CACNA1A: variants seen among roughly 807,000 people sequenced by gnomAD.
CACNA1A encodes voltage-dependent P/Q-type calcium channel subunit alpha-1A.
CACNA1A carries 57 observed loss-of-function variants against 262.4 expected under a neutral mutation model. The observed-to-expected ratio is 0.22, with a 90% confidence interval of 0.18 to 0.27. The LOEUF is 0.27. CACNA1A is among the 10% of genes least tolerant of loss of function. The pLI is 1.00. For missense variants in CACNA1A, 2,526 were observed against 3,562.8 expected, an observed-to-expected ratio of 0.71 and a Z score of 7.41; for synonymous variants, 1,431 against 1,419.3, an observed-to-expected ratio of 1.01 and a Z score of -0.18.
At chr19:13,369,111 G>A (rs1179547701) in intron 4 of CACNA1A, among the ~76,000 whole-genome samples, 1 of 151,778 alleles carries the variant, frequency 6.6e-6, no homozygotes, top group Non-Finnish European at 1.5e-5. Flanking sequence ...TTAAGGTGCT[G>A]GATACTCTTG....
chr19:13,464,124 G>C (rs2061175763), intron 1 of CACNA1A, among the ~76,000 whole-genome samples: 1 of 152,196 alleles, frequency 6.6e-6, no homozygotes, highest in Non-Finnish European at 1.5e-5. Context: ...TGCAGAGGTA[G>C]ATGCCTATCA....
In CACNA1A at chr19:13,210,554, G is replaced by T. The variant is rs1007013775; in HGVS notation, c.6339+63C>A. On this transcript the variant is annotated intron_variant, in intron 44 of 46. Transcript: ENST00000360228. ...GTGAGAGATGACGGGACTCCCTGGA[G>T]GGGGGGTGGGGAGGAAGAGGGGGCC... 8.4e-6 allele frequency: 12 copies of T among 1,421,054 alleles called. No homozygotes were observed. In the Admixed American group the frequency reaches 2.3e-4, roughly 27 times the overall value. The allele number at this position is 1,421,054 out of a possible 1,614,324, so 88.0% of individuals were successfully genotyped here.
chr19:13,259,714 G>C lies in CACNA1A; in HGVS notation c.4251-13C>G. On this transcript the variant is annotated splice_polypyrimidine_tract_variant and intron_variant, in intron 26 of 46. Transcript: ENST00000360228. ...GAGGTATTTGCCTCTGCCACAGAGA[G>C]TGGGGACTGTTAGTAAATGGGAAAG... 1 of 1,610,502 alleles carries C rather than the reference G, an allele frequency of 6.2e-7. No homozygotes were observed. Among genetic ancestry groups the C allele is most frequent in the East Asian group, 2.2e-5 (1 of 44,846 alleles).
chr19:13,429,991 G>C (rs1405125330), intron 3 of CACNA1A, among the ~76,000 whole-genome samples: 7 of 123,134 alleles, frequency 5.7e-5, no homozygotes, highest in African/African-American at 2.1e-4. Context: ...AGGGTGGGGG[G>C]AGTGGGGAGG....
At chr19:13,227,903 C>CTTTTTT (rs34218031) in intron 36 of CACNA1A, among the ~76,000 whole-genome samples, 7 of 74,260 alleles carry the variant, frequency 9.4e-5, no homozygotes, top group African/African-American at 2.9e-4. Flanking sequence ...TGTTCATTGC[C>CTTTTTT]TTTTTTTTTT....
intron 22 of CACNA1A, among the ~76,000 whole-genome samples, chr19:13,279,879 G>C (rs79180460): frequency 0.18 from 26,602 of 151,972 alleles, 2,713 homozygotes; most frequent in Non-Finnish European, 0.23. Context: ...CGCCATCTTG[G>C]CTCACTGCAA....
intron 12 of CACNA1A, among the ~76,000 whole-genome samples, chr19:13,311,559 T>C (rs1022748271): frequency 3.9e-5 from 6 of 152,128 alleles, no homozygotes; most frequent in Admixed American, 1.3e-4. Flanking sequence ...TTAAGCTGGC[T>C]GGGTGTGGTG....
Position 13,207,401 on chromosome 19 carries a change from G to A in CACNA1A, c.7433C>T (p.Pro2478Leu), listed in dbSNP as rs764648125. 175 of 1,537,168 alleles carry A rather than the reference G, an allele frequency of 1.1e-4. No homozygotes were observed. The highest frequency in any genetic ancestry group is 1.5e-4 in the Non-Finnish European group (168 of 1,147,440). The change falls in exon 47 of 47, where the codon CCG becomes CTG. Residue 2478 changes from proline to leucine, a missense_variant. Transcript: ENST00000360228. This position sits in a 1 kb window ranked among gnomAD's most constrained non-coding sequence, Gnocchi z 5.7. Reference sequence around the variant, plus strand: ...GCGGGGCCTGGCCAGTCCGTGCGCCGGGTAGTAGCCGTTGGGGAGTCGCCG... The same window carrying A: ...GCGGGGCCTGGCCAGTCCGTGCGCCAGGTAGTAGCCGTTGGGGAGTCGCCG... ...HGRRLPNGYY[P>L]AHGLARPRGP...
intron 6 of CACNA1A, among the ~76,000 whole-genome samples, chr19:13,339,774 TAAA>T (rs200259831): frequency 7.2e-6 from 1 of 138,994 alleles, no homozygotes; most frequent in Admixed American, 7.2e-5. Context: ...TGCCATGGAT[TAAA>T]AAAAAAAAAA....
At chr19:13,348,745 G>A (rs560494620) in intron 6 of CACNA1A, among the ~76,000 whole-genome samples, 69 of 152,162 alleles carry the variant, frequency 4.5e-4, no homozygotes, top group Middle Eastern at 3.4e-3. Flanking sequence ...CTGAGGCAGG[G>A]GAATCACTTG....
chr19:13,439,270 A>G (rs1568645894), intron 3 of CACNA1A, among the ~76,000 whole-genome samples: 2 of 142,018 alleles, frequency 1.4e-5, no homozygotes, highest in Non-Finnish European at 3.1e-5. Context: ...CACCACGCTC[A>G]GCTAATTTGT....
At chr19:13,499,501 C>A (rs1411402947) in intron 1 of CACNA1A, among the ~76,000 whole-genome samples, 1 of 150,536 alleles carries the variant, frequency 6.6e-6, no homozygotes. Context: ...CTTTTCTGGC[C>A]GGTTTCCAAA....
chr19:13,392,562 G>A (rs1364614664), intron 3 of CACNA1A, among the ~76,000 whole-genome samples: 11 of 152,244 alleles, frequency 7.2e-5, no homozygotes, highest in African/African-American at 2.7e-4. Flanking sequence ...ACCTGCTACA[G>A]GAGAGGCACT....
chr19:13,366,694 T>C (rs73501133), intron 4 of CACNA1A, among the ~76,000 whole-genome samples: 4,618 of 152,260 alleles, frequency 0.03, 230 homozygotes, highest in African/African-American at 0.1. Flanking sequence ...TGGAGCCATA[T>C]TCCTGGGTGT....
At chr19:13,436,297 A>G (rs1230140619) in intron 3 of CACNA1A, among the ~76,000 whole-genome samples, 1 of 151,996 alleles carries the variant, frequency 6.6e-6, no homozygotes, top group Non-Finnish European at 1.5e-5. Flanking sequence ...GGGCTTTTTG[A>G]ATTCCCTGTT....
intron 1 of CACNA1A, among the ~76,000 whole-genome samples, chr19:13,478,197 A>G (rs1480560962): frequency 2.0e-5 from 3 of 152,150 alleles, no homozygotes; most frequent in African/African-American, 7.2e-5. Flanking sequence ...TAAACATGTC[A>G]TTGTGATAAA....
intron 4 of CACNA1A, among the ~76,000 whole-genome samples, chr19:13,368,141 C>A (rs2059250560): frequency 6.6e-6 from 1 of 151,810 alleles, no homozygotes; most frequent in African/African-American, 2.4e-5. Flanking sequence ...GTGGTGAAAC[C>A]CTGTCTCTAC....
intron 1 of CACNA1A, among the ~76,000 whole-genome samples, chr19:13,470,020 T>C (rs1484252268): frequency 1.3e-5 from 2 of 152,220 alleles, no homozygotes; most frequent in South Asian, 2.1e-4. Context: ...ATCAACTATC[T>C]GGGCTGGTGA....
At chr19:13,330,358 A>G in intron 9 of CACNA1A, 25 bp from the exon 10 acceptor site, 2 of 1,527,998 alleles carry the variant, frequency 1.3e-6, no homozygotes, top group Non-Finnish European at 1.8e-6. Flanking sequence ...ACATGGCAAG[A>G]GAAAAAGACG....
Sources: gnomAD v4.1 joint callset for allele counts (sites outside exome capture counted in the v4.1 genomes callset) on GRCh38, gnomAD v4.1.1 for gene constraint, Gnocchi (gnomAD v3.1) non-coding constraint, MANE v1.5 for transcripts, NCBI Gene and HGNC (gene_info 2026-07-23, HGNC 2026-07-21) for gene names.